Variants in SOS2 observed in about 807,000 individuals in gnomAD.
The protein encoded by SOS2 is son of sevenless homolog 2.
A neutral mutation model predicts 148.2 loss-of-function variants in SOS2; 65 were observed. The ratio of observed to expected loss-of-function variants is 0.44; its 90% CI spans 0.36 to 0.54. The LOEUF is 0.54. Ranked by LOEUF, SOS2 falls within the 20% of genes least tolerant of loss-of-function variation. The probability of loss-of-function intolerance (pLI) is 0.00; values close to 1 mark genes in which losing one functional copy is unlikely to be tolerated. For missense variants in SOS2, 1,341 were observed against 1,590.2 expected (o/e 0.84, Z 2.67); for synonymous variants, 539 against 537.1 (o/e 1.00, Z -0.05).
intron 1 of SOS2, among the ~76,000 whole-genome samples, chr14:50,209,992 T>C (rs1300274526): frequency 6.6e-6 from 1 of 152,182 alleles, no homozygotes; most frequent in East Asian, 1.9e-4. Context: ...TCCAAGCAGG[T>C]TGTTTTGCTA....
chr14:50,228,975 G>C (rs1376319994), intron 1 of SOS2, among the ~76,000 whole-genome samples: 1 of 152,166 alleles, frequency 6.6e-6, no homozygotes, highest in Non-Finnish European at 1.5e-5. Flanking sequence ...GTAACGATCT[G>C]GTCAGCTAGA....
Position 50,196,935 on chromosome 14 carries a change from T to C in SOS2, c.510+2756A>G, listed in dbSNP as rs368080469. Reference sequence around the variant, plus strand: ...TAGGCTGGTGTGCAGTGGCGTGATCTCGATTCCATGTAGCCTCAACCTCCC... The same window carrying C: ...TAGGCTGGTGTGCAGTGGCGTGATCCCGATTCCATGTAGCCTCAACCTCCC... On this transcript the variant is annotated intron_variant, in intron 4 of 22. Transcript: ENST00000216373. Among the ~76,000 whole-genome samples the C allele has an allele frequency of 3.0e-3, 456 of 152,214 alleles. 2 individuals are homozygous for C. The highest frequency in any genetic ancestry group is 0.01 in the African/African-American group (420 of 41,526).
intron 14 of SOS2, 62 bp from the exon 15 acceptor site, chr14:50,145,658 C>T: frequency 9.0e-7 from 1 of 1,107,348 alleles, no homozygotes; most frequent in Non-Finnish European, 1.3e-6. Context: ...TAAAGATCTT[C>T]TAAAACTTAA....
intron 8 of SOS2, among the ~76,000 whole-genome samples, chr14:50,167,456 G>A (rs948404318): frequency 1.3e-5 from 2 of 152,090 alleles, no homozygotes; most frequent in African/African-American, 4.8e-5. Flanking sequence ...GATTGATTGA[G>A]CCTGGGAAGT....
chr14:50,183,574 C>A (rs1885814021), intron 5 of SOS2, among the ~76,000 whole-genome samples: 1 of 152,112 alleles, frequency 6.6e-6, no homozygotes, highest in African/African-American at 2.4e-5. Flanking sequence ...AAACCTCCTA[C>A]TGTGGATGAT....
At chr14:50,187,345 CTT>C (rs5808541) in intron 5 of SOS2, among the ~76,000 whole-genome samples, 2 of 115,164 alleles carry the variant, frequency 1.7e-5, no homozygotes, top group Non-Finnish European at 1.8e-5. Context: ...ATTATTGTTA[CTT>C]TTTTTTTTTT....
At chr14:50,211,126 C>T (rs1179838344) in intron 1 of SOS2, among the ~76,000 whole-genome samples, 1 of 151,970 alleles carries the variant, frequency 6.6e-6, no homozygotes, top group Non-Finnish European at 1.5e-5. Context: ...GGGTACTGAA[C>T]ACCTGAAATG....
intron 21 of SOS2, among the ~76,000 whole-genome samples, chr14:50,126,175 T>C (rs1157737777): frequency 1.3e-5 from 2 of 152,064 alleles, no homozygotes; most frequent in Non-Finnish European, 2.9e-5. Flanking sequence ...CTACAACTAA[T>C]ACAAGAAAGG....
intron 7 of SOS2, among the ~76,000 whole-genome samples, chr14:50,176,177 G>A (rs1286241251): frequency 1.3e-5 from 2 of 152,210 alleles, no homozygotes; most frequent in Non-Finnish European, 2.9e-5. Flanking sequence ...CAACAAGAAA[G>A]CACCATCTAT....
At chr14:50,122,391 C>CATT (rs1883542063) in intron 21 of SOS2, among the ~76,000 whole-genome samples, 1 of 88,308 alleles carries the variant, frequency 1.1e-5, no homozygotes, top group Admixed American at 1.6e-4. Flanking sequence ...GAACCCTGGG[C>CATT]TTTTTTTTTT....
Position 50,180,533 on chromosome 14 carries a change from T to TA in SOS2, c.969+38dup, listed in dbSNP as rs199667374. The TA allele has an allele frequency of 0.01, 4,344 of 415,662 alleles. 3 individuals carry two copies. Among genetic ancestry groups the TA allele is most frequent in the South Asian group, 0.028 (818 of 28,728 alleles). 25.7% of individuals were successfully genotyped at this position (415,662 alleles called of 1,614,324 possible). A position where few individuals can be genotyped will look rare whatever the true frequency, so the allele number is the denominator to read the frequency against. On this transcript the variant is annotated intron_variant, in intron 7 of 22. Coordinates refer to ENST00000216373, the MANE Select transcript of SOS2 (RefSeq NM_006939.4). ...ATAGTGAGATATTTATTTGCTTTAT[T>TA]AAAAAAAAAAAAAAAAAAAACCTTC...
intron 1 of SOS2, among the ~76,000 whole-genome samples, chr14:50,221,542 C>T (rs959050863): frequency 1.3e-5 from 2 of 152,166 alleles, no homozygotes; most frequent in African/African-American, 4.8e-5. Flanking sequence ...ATAAATAAAT[C>T]CTAGACACTA....
At chr14:50,160,644 C>A (rs374941955) in intron 9 of SOS2, among the ~76,000 whole-genome samples, 77 of 152,022 alleles carry the variant, frequency 5.1e-4, no homozygotes, top group African/African-American at 1.7e-3. Context: ...ACCTTGGACT[C>A]CCGAAGTGCT....
chr14:50,168,361 AC>A (rs1195550671), intron 8 of SOS2, among the ~76,000 whole-genome samples: 2 of 152,112 alleles, frequency 1.3e-5, no homozygotes, highest in African/African-American at 4.8e-5. Context: ...AGCTGTGACT[AC>A]TGGCATGCAT....
chr14:50,223,478 T>C (rs1437354439), intron 1 of SOS2, among the ~76,000 whole-genome samples: 1 of 151,800 alleles, frequency 6.6e-6, no homozygotes, highest in Admixed American at 6.6e-5. Context: ...ATTGAGACCA[T>C]CCTGGCCAAC....
In SOS2 at chr14:50,231,012, C is replaced by CA. The variant is rs143575536; in HGVS notation, c.87+184dup. 50,813 of 516,280 alleles carry CA rather than the reference C, an allele frequency of 0.098. 18 individuals carry two copies. The highest frequency in any genetic ancestry group is 0.14 in the Middle Eastern group (211 of 1,506). 32.0% of individuals were successfully genotyped at this position (516,280 alleles called of 1,614,324 possible). ...ACAAAACCTTCCTTCCGGGACCAGG[C>CA]AAAAAAAAAAAACTTGAGAAACGTC... On this transcript the variant is annotated intron_variant, in intron 1 of 22. Coordinates refer to ENST00000216373, the MANE Select transcript of SOS2 (RefSeq NM_006939.4).
intron 19 of SOS2, among the ~76,000 whole-genome samples, chr14:50,133,922 A>G (rs1883989761): frequency 6.6e-6 from 1 of 152,202 alleles, no homozygotes; most frequent in African/African-American, 2.4e-5. Context: ...CACATAAATA[A>G]GTAGTACCAA....
intron 1 of SOS2, among the ~76,000 whole-genome samples, chr14:50,229,756 A>G (rs545065184): frequency 8.5e-5 from 13 of 152,364 alleles, no homozygotes; most frequent in Non-Finnish European, 1.2e-4. Flanking sequence ...TTGCTACCAG[A>G]AAGTTATAAA....
chr14:50,118,282 A>G lies in SOS2; in HGVS notation c.*62T>C. On this transcript the variant is annotated 3_prime_UTR_variant, in exon 23 of 23. Coordinates refer to ENST00000216373, the MANE Select transcript of SOS2 (RefSeq NM_006939.4). ...ACTAAAATACTATGTCTTTTTTTGA[A>G]TAAATTAAAAAAAAAACTTTACAAA... The G allele has an allele frequency of 7.3e-7, 1 of 1,376,204 alleles. No individual in the cohort carries two copies. The highest frequency in any genetic ancestry group is 9.9e-7 in the Non-Finnish European group (1 of 1,008,724). 85.2% of individuals were successfully genotyped at this position (1,376,204 alleles called of 1,614,324 possible). A position where few individuals can be genotyped will look rare whatever the true frequency, so the allele number is the denominator to read the frequency against.
Sources: allele counts gnomAD v4.1 joint callset (sites outside exome capture counted in the v4.1 genomes callset), GRCh38; gene constraint gnomAD v4.1.1; transcripts MANE v1.5; gene names NCBI Gene and HGNC (gene_info 2026-07-23, HGNC 2026-07-21).